Variants in SUPT3H observed in about 807,000 individuals in gnomAD.
SUPT3H encodes the protein transcription initiation protein SPT3 homolog.
Under a neutral mutation model 44.3 loss-of-function variants are expected in SUPT3H, and 44 were observed. The ratio of observed to expected loss-of-function variants is 0.99; its 90% CI spans 0.78 to 1.28. The LOEUF (loss-of-function observed/expected upper bound fraction) is 1.28. Among genes scored for constraint, SUPT3H ranks in the 50% most tolerant of loss-of-function variants. The probability of loss-of-function intolerance (pLI) is 0.00; values close to 1 mark genes in which losing one functional copy is unlikely to be tolerated. For synonymous variants in SUPT3H, 124 were observed against 125.6 expected (o/e 0.99, Z 0.09); for missense variants, 380 against 387.1 (o/e 0.98, Z 0.15).
chr6:45,018,578 G>T (rs1160939852), intron 4 of SUPT3H, among the ~76,000 whole-genome samples: 1 of 152,046 alleles, frequency 6.6e-6, no homozygotes, highest in Non-Finnish European at 1.5e-5. Flanking sequence ...TTTTGTCAAA[G>T]GCCTTTTCTG....
Position 44,850,366 on chromosome 6 carries a change from T to C in SUPT3H, c.913-20509A>G, listed in dbSNP as rs566194388. 1.0e-3 allele frequency among the ~76,000 whole-genome samples: 152 copies of C among 152,164 alleles called. 1 individual carries two copies. Among genetic ancestry groups the C allele is most frequent in the Non-Finnish European group, 1.8e-3 (125 of 68,026 alleles). ...CTTTAGTCTCTCAGAAATTCCCTGG[T>C]GGGGCTTTAAAGGGACACACTCTTC... On this transcript the variant is annotated intron_variant, in intron 10 of 10. Transcript: ENST00000371459.
At chr6:45,330,375 G>C (rs1288851775) in intron 2 of SUPT3H, among the ~76,000 whole-genome samples, 1 of 151,868 alleles carries the variant, frequency 6.6e-6, no homozygotes, top group South Asian at 2.1e-4. Context: ...AAAAAGAATA[G>C]TTAAAACTAC....
At chr6:45,019,391 C>G (rs1342368704) in intron 4 of SUPT3H, among the ~76,000 whole-genome samples, 3 of 151,990 alleles carry the variant, frequency 2.0e-5, no homozygotes, top group Non-Finnish European at 4.4e-5. Flanking sequence ...CTTCTGCTAG[C>G]TTTTGAATGT....
chr6:45,016,361 T>C (rs996251619), intron 4 of SUPT3H, among the ~76,000 whole-genome samples: 7 of 151,820 alleles, frequency 4.6e-5, no homozygotes, highest in East Asian at 1.9e-4. Flanking sequence ...TTATTATTAC[T>C]ATACTTTAAG....
At chr6:45,123,082 T>A (rs1161274278) in intron 2 of SUPT3H, among the ~76,000 whole-genome samples, 1 of 152,206 alleles carries the variant, frequency 6.6e-6, no homozygotes, top group African/African-American at 2.4e-5. Context: ...TTTAAAATTC[T>A]ACCACATATA....
At chr6:44,954,728 A>G (rs1774858621) in intron 7 of SUPT3H, 121 bp from the exon 8 acceptor site, 1 of 638,052 alleles carries the variant, frequency 1.6e-6, no homozygotes. Flanking sequence ...TAATGCACAT[A>G]AAATGCATAA....
intron 3 of SUPT3H, among the ~76,000 whole-genome samples, chr6:45,037,666 A>C (rs1018232489): frequency 6.6e-6 from 1 of 151,506 alleles, no homozygotes; most frequent in Non-Finnish European, 1.5e-5. Flanking sequence ...TCCATATTAA[A>C]AATTAAATAA....
rs1797638235 is a variant in SUPT3H at position 45,095,200 on chromosome 6, C to G, written c.186+10722G>C. Among the ~76,000 whole-genome samples, 1 of 152,116 alleles carries G rather than the reference C, an allele frequency of 6.6e-6. No individual in the cohort carries two copies. The highest frequency in any genetic ancestry group is 6.6e-5 in the Admixed American group (1 of 15,258). On this transcript the variant is annotated intron_variant, in intron 3 of 10. Coordinates refer to ENST00000371459, the MANE Select transcript of SUPT3H (RefSeq NM_003599.4). The surrounding 1 kb of genome is among the most constrained non-coding windows in gnomAD (Gnocchi z 4.1). ...TTCCATCCTATGATTCATTAGGTCC[C>G]CATGGTACCTCTGCTTCCTTTATTT...
chr6:45,124,012 G>T (rs111342678), intron 2 of SUPT3H, among the ~76,000 whole-genome samples: 1 of 152,044 alleles, frequency 6.6e-6, no homozygotes, highest in Non-Finnish European at 1.5e-5. Context: ...TGTTGATTTC[G>T]CCTTCAAGCC....
chr6:44,984,038 G>A (rs868798350), intron 6 of SUPT3H, among the ~76,000 whole-genome samples: 1 of 152,142 alleles, frequency 6.6e-6, no homozygotes, highest in South Asian at 2.1e-4. Context: ...AATGTTGAGT[G>A]GATGAATGAA....
chr6:44,857,330 T>A (rs1267027389), intron 10 of SUPT3H, among the ~76,000 whole-genome samples: 1 of 152,174 alleles, frequency 6.6e-6, no homozygotes, highest in Non-Finnish European at 1.5e-5. Flanking sequence ...ACACATTCTC[T>A]TAAGCTCGTA....
At chr6:44,909,329 C>G (rs1766648955) in intron 10 of SUPT3H, among the ~76,000 whole-genome samples, 1 of 151,958 alleles carries the variant, frequency 6.6e-6, no homozygotes, top group Non-Finnish European at 1.5e-5. Flanking sequence ...GATATTGGGC[C>G]TAGTTAATTA....
chr6:45,224,244 T>C (rs552329090), intron 2 of SUPT3H, among the ~76,000 whole-genome samples: 49 of 151,906 alleles, frequency 3.2e-4, no homozygotes, highest in Non-Finnish European at 5.9e-4. Context: ...AAAGATGTTC[T>C]CATTACTCAT....
intron 3 of SUPT3H, among the ~76,000 whole-genome samples, chr6:45,057,469 AAACT>A (rs1791308740): frequency 1.3e-5 from 2 of 152,286 alleles, no homozygotes; most frequent in South Asian, 4.1e-4. Context: ...GAGCCTGACA[AAACT>A]AACTAAACTA....
chr6:45,141,811 C>G (rs1805263131), intron 2 of SUPT3H, among the ~76,000 whole-genome samples: 1 of 152,160 alleles, frequency 6.6e-6, no homozygotes, highest in Admixed American at 6.6e-5. Context: ...GAAGAGAAAT[C>G]TAAAGTGTGG....
At chr6:45,119,753 T>C (rs1470407963) in intron 2 of SUPT3H, among the ~76,000 whole-genome samples, 12 of 152,016 alleles carry the variant, frequency 7.9e-5, no homozygotes, top group African/African-American at 2.7e-4. Context: ...TTTTCACATG[T>C]AGAAGGAAAA....
intron 3 of SUPT3H, among the ~76,000 whole-genome samples, chr6:45,023,493 T>A (rs1238794595): frequency 6.6e-6 from 1 of 152,102 alleles, no homozygotes; most frequent in Non-Finnish European, 1.5e-5. Context: ...TTCACTGCAG[T>A]ACTGTTCACA....
chr6:44,989,759 A>C (rs939529199), intron 6 of SUPT3H, among the ~76,000 whole-genome samples: 1 of 152,032 alleles, frequency 6.6e-6, no homozygotes, highest in Admixed American at 6.6e-5. Context: ...TAGTACTGTT[A>C]AGCATCTTTT....
At chr6:45,222,453 T>C (rs1452694296) in intron 2 of SUPT3H, among the ~76,000 whole-genome samples, 1 of 152,094 alleles carries the variant, frequency 6.6e-6, no homozygotes, top group Non-Finnish European at 1.5e-5. Context: ...TTCAACATAT[T>C]AGCCAACAAG....
Sources: allele counts gnomAD v4.1 joint callset (sites outside exome capture counted in the v4.1 genomes callset), GRCh38; gene constraint gnomAD v4.1.1; non-coding constraint Gnocchi (gnomAD v3.1); transcripts MANE v1.5; gene names NCBI Gene and HGNC (gene_info 2026-07-23, HGNC 2026-07-21).